The following FXR1 variants were observed in gnomAD, a reference collection of about 807,000 sequenced individuals.
FXR1 encodes RNA-binding protein FXR1.
FXR1 carries 15 observed loss-of-function variants against 84.0 expected under a neutral mutation model. That is an observed-to-expected ratio of 0.18 (90% CI 0.12 to 0.27). FXR1 has a LOEUF of 0.27. FXR1 is among the 10% of genes least tolerant of loss of function. FXR1 has a pLI of 1.00. For synonymous variants in FXR1, 245 were observed against 250.7 expected (o/e 0.98, Z 0.21); for missense variants, 480 against 774.4 (o/e 0.62, Z 4.51).
At position 180,949,953 on chromosome 3, in the gene FXR1, C is replaced by G. The variant is rs115602974; in HGVS notation, c.630+610C>G. 7.1e-3 allele frequency among the ~76,000 whole-genome samples: 1,086 copies of G among 152,156 alleles called. 5 individuals carry two copies. Among genetic ancestry groups the G allele is most frequent in the Non-Finnish European group, 0.011 (721 of 68,004 alleles). On this transcript the variant is annotated intron_variant, in intron 7 of 16. Transcript: ENST00000357559. ...TTAACCTTTTTATTTTTTTAACTGC[C>G]TTGTCATCTGTCAGTCATGATATCT...
rs1313621231 is a variant in FXR1 at position 180,914,821 on chromosome 3, G to T, written c.51+2085G>T. On this transcript the variant is annotated intron_variant, in intron 1 of 16. Transcript: ENST00000357559. ...TTGACAAAGGTTGGAAAGGACACTA[G>T]CCACCTGTGTGTGCACTGAAATCAT... 8 of 984,820 alleles carry T rather than the reference G, an allele frequency of 8.1e-6. No homozygotes were observed. The South Asian group carries it at 2.8e-4, about 35-fold the overall frequency. The allele number at this position is 984,820 out of a possible 1,614,324, so 61.0% of individuals were successfully genotyped here.
chr3:180,938,432 C>T (rs577012077), intron 3 of FXR1, among the ~76,000 whole-genome samples: 1 of 152,334 alleles, frequency 6.6e-6, no homozygotes, highest in South Asian at 2.1e-4. Flanking sequence ...AGTATGGGAA[C>T]ATCACTTAAA....
intron 1 of FXR1, among the ~76,000 whole-genome samples, chr3:180,924,051 C>T (rs763815352): frequency 1.4e-4 from 22 of 152,054 alleles, no homozygotes; most frequent in African/African-American, 5.1e-4. Flanking sequence ...CTCTGCCTCT[C>T]GGGTTCAAGT....
intron 15 of FXR1, among the ~76,000 whole-genome samples, chr3:180,973,675 A>G (rs1713868051): frequency 6.6e-6 from 1 of 152,230 alleles, no homozygotes; most frequent in Non-Finnish European, 1.5e-5. Flanking sequence ...AGATGAGCGT[A>G]CTGTTTCTTA....
At chr3:180,952,544 G>A (rs1434502960) in intron 8 of FXR1, among the ~76,000 whole-genome samples, 1 of 151,248 alleles carries the variant, frequency 6.6e-6, no homozygotes, top group Non-Finnish European at 1.5e-5. Flanking sequence ...GCAACAGAGA[G>A]CAAGGTCCTG....
chr3:180,919,991 A>G (rs1410628576), intron 1 of FXR1, among the ~76,000 whole-genome samples: 3 of 152,160 alleles, frequency 2.0e-5, no homozygotes, highest in Non-Finnish European at 2.9e-5. Flanking sequence ...TTATGCTATC[A>G]GTGTATTTAA....
Position 180,964,055 on chromosome 3 carries a change from C to T in FXR1, c.1198+965C>T, listed in dbSNP as rs1712484469. ...CTGACAAAGTTATATTAAACCTGAACTATCTTCAATTTGTTGTAGAGTTGT... is the reference window on the plus strand; with the variant it reads ...CTGACAAAGTTATATTAAACCTGAATTATCTTCAATTTGTTGTAGAGTTGT... On this transcript the variant is annotated intron_variant, in intron 13 of 16. Coordinates refer to ENST00000357559, the MANE Select transcript of FXR1 (RefSeq NM_005087.4). Among the ~76,000 whole-genome samples the T allele has an allele frequency of 2.0e-5, 3 of 152,158 alleles. No individual in the cohort carries two copies. In the South Asian group the frequency reaches 6.2e-4, roughly 32 times the overall value.
Position 180,948,327 on chromosome 3 carries a change from A to G in FXR1, c.271-20A>G, listed in dbSNP as rs753324596. Reference sequence around the variant, plus strand: ...ATTTTTGTTCAGATGGGATTTTTAAAGTATTTTGATGTCTTTTAGTTTTAT... The same window carrying G: ...ATTTTTGTTCAGATGGGATTTTTAAGGTATTTTGATGTCTTTTAGTTTTAT... On this transcript the variant is annotated intron_variant, in intron 4 of 16. Coordinates refer to ENST00000357559, the MANE Select transcript of FXR1 (RefSeq NM_005087.4). 6 of 1,536,614 alleles carry G rather than the reference A, an allele frequency of 3.9e-6. No homozygotes were observed. In the South Asian group the frequency reaches 7.0e-5, roughly 18 times the overall value.
intron 15 of FXR1, chr3:180,971,617 T>C (rs538196097): frequency 6.5e-6 from 1 of 152,784 alleles, no homozygotes; most frequent in African/African-American, 2.4e-5. Flanking sequence ...GAGAAAAATA[T>C]TTGAAGGTGT....
chr3:180,981,606 T>G lies in FXR1; in HGVS notation c.*5314T>G, dbSNP rs920701296. On this transcript the variant is annotated 3_prime_UTR_variant, in exon 17 of 17. Coordinates refer to ENST00000357559, the MANE Select transcript of FXR1 (RefSeq NM_005087.4). Reference sequence around the variant, plus strand: ...AAATCTCTGATATTGAGGTCTAATGTGAAGGCTATAGATAGGAATTCCCCA... The same window carrying G: ...AAATCTCTGATATTGAGGTCTAATGGGAAGGCTATAGATAGGAATTCCCCA... 10 of 152,018 alleles carry G rather than the reference T, an allele frequency of 6.6e-5. No individual in the cohort carries two copies. Among genetic ancestry groups the G allele is most frequent in the African/African-American group, 2.4e-5 (1 of 41,396 alleles). The allele number at this position is 152,018 out of a possible 1,614,324, so 9.4% of individuals were successfully genotyped here.
intron 1 of FXR1, among the ~76,000 whole-genome samples, chr3:180,919,354 G>A (rs1254657833): frequency 2.8e-5 from 4 of 143,398 alleles, no homozygotes; most frequent in Non-Finnish European, 4.5e-5. Context: ...GCACTATCTC[G>A]GGTCATTGCA....
At chr3:180,974,850 C>T (rs1301498390) in intron 15 of FXR1, among the ~76,000 whole-genome samples, 1 of 152,056 alleles carries the variant, frequency 6.6e-6, no homozygotes, top group East Asian at 1.9e-4. Flanking sequence ...AAAAAACACA[C>T]ACACACATTT....
intron 2 of FXR1, among the ~76,000 whole-genome samples, chr3:180,934,650 T>C (rs957118073): frequency 2.0e-5 from 3 of 152,338 alleles, no homozygotes; most frequent in African/African-American, 7.2e-5. Context: ...TGTATTTCTG[T>C]GAACATGTAT....
At chr3:180,953,933 C>T in intron 9 of FXR1, 93 bp downstream of exon 9, 1 of 678,680 alleles carries the variant, frequency 1.5e-6, no homozygotes, top group Non-Finnish European at 2.6e-6. Context: ...AGTCTGATAA[C>T]CTTATTCCAG....
At chr3:180,923,052 A>C (rs188852657) in intron 1 of FXR1, among the ~76,000 whole-genome samples, 1 of 152,184 alleles carries the variant, frequency 6.6e-6, no homozygotes, top group African/African-American at 2.4e-5. Flanking sequence ...TTATACATAC[A>C]ATTTCTTAGG....
chr3:180,967,335 T>C (rs1047944750), intron 13 of FXR1, among the ~76,000 whole-genome samples: 1 of 152,182 alleles, frequency 6.6e-6, no homozygotes, highest in African/African-American at 2.4e-5. Context: ...TTATAAGAAA[T>C]ATCTTGATTT....
intron 1 of FXR1, among the ~76,000 whole-genome samples, chr3:180,917,836 A>G (rs1236160985): frequency 6.6e-6 from 1 of 151,022 alleles, no homozygotes; most frequent in East Asian, 2.0e-4. Context: ...AGTCCCAGCT[A>G]CTTGGGAAGC....
chr3:180,968,370 C>T, intron 14 of FXR1, 116 bp downstream of exon 14: 1 of 700,024 alleles, frequency 1.4e-6, no homozygotes, highest in Admixed American at 2.2e-5. Flanking sequence ...TACTCATTGT[C>T]TTAGAGAAAG....
At chr3:180,954,129 G>A in intron 9 of FXR1, 1 of 260,334 alleles carries the variant, frequency 3.8e-6, no homozygotes, top group South Asian at 7.9e-5. Flanking sequence ...TTCATCCCTT[G>A]GGATCTTCCC....
Sources: gnomAD v4.1 joint callset for allele counts (sites outside exome capture counted in the v4.1 genomes callset) on GRCh38, gnomAD v4.1.1 for gene constraint, MANE v1.5 for transcripts, NCBI Gene and HGNC (gene_info 2026-07-23, HGNC 2026-07-21) for gene names.